The following PAPOLA variants were observed in gnomAD, a reference collection of about 807,000 sequenced individuals.
The protein encoded by PAPOLA is poly(A) polymerase alpha, also known as polynucleotide adenylyltransferase alpha.
A neutral mutation model predicts 100.6 loss-of-function variants in PAPOLA; 15 were observed. The observed-to-expected ratio is 0.15, with a 90% CI of 0.10 to 0.23. The LOEUF (loss-of-function observed/expected upper bound fraction) is 0.23. Ranked by LOEUF, PAPOLA falls within the 10% of genes least tolerant of loss-of-function variation. PAPOLA has a pLI of 1.00. For missense variants in PAPOLA, 533 were observed against 884.2 expected (o/e 0.60, Z 5.04); for synonymous variants, 293 against 300.0 (o/e 0.98, Z 0.24).
chr14:96,510,807 C>G (rs1384922517), intron 1 of PAPOLA, among the ~76,000 whole-genome samples: 1 of 152,176 alleles, frequency 6.6e-6, no homozygotes, highest in Non-Finnish European at 1.5e-5. Flanking sequence ...AGTTAACCAT[C>G]GTTTTAATTT....
intron 1 of PAPOLA, among the ~76,000 whole-genome samples, chr14:96,510,807 C>T (rs1384922517): frequency 6.6e-6 from 1 of 152,176 alleles, no homozygotes; most frequent in Non-Finnish European, 1.5e-5. Flanking sequence ...AGTTAACCAT[C>T]GTTTTAATTT....
At chr14:96,534,598 CTG>C (rs778549014) in intron 10 of PAPOLA, 35 bp downstream of exon 10, 7 of 1,613,614 alleles carry the variant, frequency 4.3e-6, no homozygotes, top group Non-Finnish European at 5.9e-6. Context: ...CCAATTCACA[CTG>C]TGCAATAACA....
chr14:96,512,984 C>A (rs529682984), intron 1 of PAPOLA, among the ~76,000 whole-genome samples: 11 of 152,190 alleles, frequency 7.2e-5, no homozygotes, highest in Admixed American at 3.9e-4. Flanking sequence ...TGCTGGAATT[C>A]GGGTCCCTAT....
chr14:96,531,217 G>C (rs1898987627), intron 6 of PAPOLA, among the ~76,000 whole-genome samples: 1 of 151,958 alleles, frequency 6.6e-6, no homozygotes, highest in Non-Finnish European at 1.5e-5. Context: ...TAGCCAGGAT[G>C]GTCTCGATCT....
chr14:96,529,573 T>A (rs959694157), intron 6 of PAPOLA, among the ~76,000 whole-genome samples: 15 of 151,686 alleles, frequency 9.9e-5, no homozygotes, highest in Middle Eastern at 6.8e-3. Flanking sequence ...ATAGAAAAAA[T>A]TAGCCAGGCA....
chr14:96,503,465 C>T (rs1595486294), intron 1 of PAPOLA, among the ~76,000 whole-genome samples: 1 of 151,856 alleles, frequency 6.6e-6, no homozygotes, highest in African/African-American at 2.4e-5. Context: ...TCCCCTCCCC[C>T]TTTCTGATAA....
At chr14:96,502,888 A>G (rs1044261056) in intron 1 of PAPOLA, 2 of 400,596 alleles carry the variant, frequency 5.0e-6, no homozygotes, top group Non-Finnish European at 8.9e-6. Context: ...TCGCCCGGCC[A>G]CTCCAGCTTC....
In PAPOLA at chr14:96,516,819, A is replaced by C. The variant is rs148197663; in HGVS notation, c.9-3236A>C. ...TCAATATTTTTTCAAATTAGGCTGA[A>C]CAAGTCTTGTGCGCGTTTAGAAATC... On this transcript the variant is annotated intron_variant, in intron 1 of 21. Coordinates refer to ENST00000216277, the MANE Select transcript of PAPOLA (RefSeq NM_032632.5). Among the ~76,000 whole-genome samples the C allele has an allele frequency of 5.2e-4, 79 of 152,362 alleles. No individual in the cohort carries two copies. In the Middle Eastern group the frequency reaches 0.01, roughly 20 times the overall value.
At chr14:96,542,968 T>C (rs1325555225) in intron 14 of PAPOLA, 75 bp downstream of exon 14, 11 of 1,398,316 alleles carry the variant, frequency 7.9e-6, no homozygotes, top group Non-Finnish European at 1.1e-5. Flanking sequence ...AGGCATTTTT[T>C]ATAACTAGTA....
chr14:96,523,863 A>C (rs1281554084), intron 3 of PAPOLA, among the ~76,000 whole-genome samples: 9 of 151,956 alleles, frequency 5.9e-5, no homozygotes. Context: ...TAATGGCTTG[A>C]ACCGAGGAGG....
intron 1 of PAPOLA, among the ~76,000 whole-genome samples, chr14:96,505,684 C>G (rs1896662047): frequency 6.6e-6 from 1 of 152,070 alleles, no homozygotes; most frequent in African/African-American, 2.4e-5. Flanking sequence ...AGAGCGGGAT[C>G]TGTGGATGCT....
At chr14:96,539,514 T>A (rs766373836) in intron 12 of PAPOLA, among the ~76,000 whole-genome samples, 8 of 152,146 alleles carry the variant, frequency 5.3e-5, no homozygotes, top group African/African-American at 9.7e-5. Flanking sequence ...TTGCATAAAT[T>A]CTAATTATTT....
chr14:96,505,238 C>G (rs958126161), intron 1 of PAPOLA, among the ~76,000 whole-genome samples: 1 of 152,180 alleles, frequency 6.6e-6, no homozygotes, highest in Non-Finnish European at 1.5e-5. Flanking sequence ...TTAGCTTCCA[C>G]CTACTGGATT....
chr14:96,516,029 G>A (rs1897432241), intron 1 of PAPOLA, among the ~76,000 whole-genome samples: 1 of 152,114 alleles, frequency 6.6e-6, no homozygotes, highest in Non-Finnish European at 1.5e-5. Context: ...GCCCAATATT[G>A]GAGTATATAG....
rs1323730390 is a variant in PAPOLA, at chr14:96,565,962, C to T, written c.*912C>T. 1 of 398,122 alleles carries T rather than the reference C, an allele frequency of 2.5e-6. No homozygotes were observed. The highest frequency in any genetic ancestry group is 4.4e-6 in the Non-Finnish European group (1 of 225,456). The allele number at this position is 398,122 out of a possible 1,614,324, so 24.7% of individuals were successfully genotyped here. The stretch of plus-strand genomic sequence containing the variant: ...TATTTTCTTAAGCCATGATGTGAAA[C>T]CAATGACCCTGTGACCACATGGCAC... On this transcript the variant is annotated 3_prime_UTR_variant, in exon 22 of 22. Coordinates refer to ENST00000216277, the MANE Select transcript of PAPOLA (RefSeq NM_032632.5).
At chr14:96,504,132 A>G (rs918011969) in intron 1 of PAPOLA, among the ~76,000 whole-genome samples, 1 of 152,326 alleles carries the variant, frequency 6.6e-6, no homozygotes, top group East Asian at 1.9e-4. Flanking sequence ...AAATGTTTGC[A>G]GTGATGTCGT....
intron 16 of PAPOLA, among the ~76,000 whole-genome samples, chr14:96,551,613 A>G (rs755737218): frequency 2.0e-5 from 3 of 152,254 alleles, no homozygotes; most frequent in African/African-American, 7.2e-5. Flanking sequence ...AATTATTTTC[A>G]TTAAAATGTT....
Position 96,538,969 on chromosome 14 carries a change from A to C in PAPOLA, c.1115+1909A>C, listed in dbSNP as rs559150424. 5.9e-5 allele frequency among the ~76,000 whole-genome samples: 9 copies of C among 152,236 alleles called. No homozygotes were observed. In the East Asian group the frequency reaches 9.6e-4, roughly 16 times the overall value. ...TTGGAAGGAGCCAGAACCATGGAGA[A>C]AAATCTCGTTTGTTTTAAAATGCAA... is the stretch of plus-strand genomic sequence containing the variant. On this transcript the variant is annotated intron_variant, in intron 12 of 21. Coordinates refer to ENST00000216277, the MANE Select transcript of PAPOLA (RefSeq NM_032632.5).
intron 17 of PAPOLA, among the ~76,000 whole-genome samples, chr14:96,554,642 G>A (rs1166027088): frequency 6.6e-6 from 1 of 152,170 alleles, no homozygotes; most frequent in African/African-American, 2.4e-5. Context: ...CACAGACACA[G>A]ATAGAGACAG....
Sources: gnomAD v4.1 joint callset for allele counts (sites outside exome capture counted in the v4.1 genomes callset) on GRCh38, gnomAD v4.1.1 for gene constraint, MANE v1.5 for transcripts, NCBI Gene and HGNC (gene_info 2026-07-23, HGNC 2026-07-21) for gene names.